The following CRACD variants were observed in gnomAD, a reference collection of about 807,000 sequenced individuals.
CRACD encodes capping protein-inhibiting regulator of actin dynamics.
Under a neutral mutation model 106.8 loss-of-function variants are expected in CRACD, and 56 were observed. That is an observed-to-expected ratio of 0.52 (90% CI 0.42 to 0.66). The LOEUF (loss-of-function observed/expected upper bound fraction) is 0.66. Among genes scored for constraint, CRACD ranks in the 30% least tolerant of loss-of-function variants. The pLI, the probability that CRACD is intolerant of heterozygous loss-of-function variation, is 0.00. For missense variants in CRACD, 1,730 were observed against 1,623.2 expected (o/e 1.07, Z -1.13); for synonymous variants, 754 against 670.8 (o/e 1.12, Z -1.92).
At chr4:56,163,863 A>G (rs779594666) in intron 1 of CRACD, among the ~76,000 whole-genome samples, 1 of 152,090 alleles carries the variant, frequency 6.6e-6, no homozygotes, top group African/African-American at 2.4e-5. Flanking sequence ...CTCATGCCTC[A>G]GCTTCCAGAG....
chr4:56,148,962 C>T (rs1035753243), intron 1 of CRACD, among the ~76,000 whole-genome samples: 5 of 151,816 alleles, frequency 3.3e-5, no homozygotes, highest in African/African-American at 9.7e-5. Flanking sequence ...ATTACAGGCG[C>T]CTGCCACCAC....
At chr4:56,069,583 A>G (rs1732568511) in intron 1 of CRACD, among the ~76,000 whole-genome samples, 1 of 152,200 alleles carries the variant, frequency 6.6e-6, no homozygotes, top group South Asian at 2.1e-4. Flanking sequence ...AAAATTAGGT[A>G]TGGGTTTAGA....
chr4:56,150,059 A>G (rs550967487), intron 1 of CRACD, among the ~76,000 whole-genome samples: 1 of 152,342 alleles, frequency 6.6e-6, no homozygotes, highest in African/African-American at 2.4e-5. Context: ...ATGGGAACTT[A>G]CAGAGAAAAC....
chr4:56,327,729 A>C lies in CRACD; in HGVS notation c.3627A>C (p.Ser1209=). 1 of 1,614,180 alleles carries C rather than the reference A, an allele frequency of 6.2e-7. No homozygotes were observed. ...RFSTPDAAPV[S]TEPAWLALAK... ...CCACCCCGGATGCTGCCCCCGTGTC[A>C]ACAGAACCAGCCTGGCTGGCTTTGG... Residue 1209 remains serine (S), a synonymous_variant, in exon 11 of 11, where the codon TCA becomes TCC. Coordinates refer to ENST00000682029, the MANE Select transcript of CRACD (RefSeq NM_001393381.1).
Position 56,167,609 on chromosome 4 carries a change from C to T in CRACD, c.-335-11675C>T, listed in dbSNP as rs80314579. 1.4e-4 allele frequency among the ~76,000 whole-genome samples: 22 copies of T among 152,186 alleles called. No homozygotes were observed. The East Asian group carries it at 3.9e-3, about 27-fold the overall frequency. On this transcript the variant is annotated intron_variant, in intron 1 of 10. Transcript: ENST00000682029. The stretch of plus-strand genomic sequence containing the variant: ...TAGATTCCACATATAAGCAATAATA[C>T]GTGGTATTTGTCTTTCTGTGCCTAG...
chr4:56,272,657 G>A (rs1027144491), intron 3 of CRACD, among the ~76,000 whole-genome samples, 165 bp downstream of exon 3: 2 of 152,098 alleles, frequency 1.3e-5, no homozygotes, highest in South Asian at 2.1e-4. Context: ...TTGGGAGGCC[G>A]AGGCGGGCAG....
chr4:56,141,005 A>G (rs1437955570), intron 1 of CRACD, among the ~76,000 whole-genome samples: 1 of 152,224 alleles, frequency 6.6e-6, no homozygotes, highest in East Asian at 1.9e-4. Context: ...GAACAAATGA[A>G]AAATTATGGA....
chr4:56,180,954 G>A (rs1297250925), intron 2 of CRACD, among the ~76,000 whole-genome samples: 1 of 152,036 alleles, frequency 6.6e-6, no homozygotes, highest in Non-Finnish European at 1.5e-5. Context: ...GAGCACATAC[G>A]GCTTCTGTAA....
intron 9 of CRACD, among the ~76,000 whole-genome samples, chr4:56,323,870 C>T (rs1746263586): frequency 6.6e-6 from 1 of 152,216 alleles, no homozygotes; most frequent in South Asian, 2.1e-4. Context: ...ATGTTATAGT[C>T]AGTTTGATGA....
chr4:56,198,892 A>C (rs1737746515), intron 2 of CRACD, among the ~76,000 whole-genome samples: 1 of 152,208 alleles, frequency 6.6e-6, no homozygotes, highest in African/African-American at 2.4e-5. Context: ...ATTTCATAAA[A>C]TCTGAGGAGC....
At chr4:56,279,187 C>T (rs1742855422) in intron 3 of CRACD, among the ~76,000 whole-genome samples, 1 of 152,146 alleles carries the variant, frequency 6.6e-6, no homozygotes, top group South Asian at 2.1e-4. Flanking sequence ...CACCCAATGT[C>T]CGACAATCCC....
At chr4:56,150,476 T>C (rs1735543002) in intron 1 of CRACD, among the ~76,000 whole-genome samples, 1 of 152,176 alleles carries the variant, frequency 6.6e-6, no homozygotes, top group African/African-American at 2.4e-5. Flanking sequence ...ATGGAGCCAC[T>C]ACTCTAGTGG....
intron 4 of CRACD, among the ~76,000 whole-genome samples, chr4:56,306,454 A>G (rs929303887): frequency 6.6e-6 from 1 of 152,146 alleles, no homozygotes; most frequent in East Asian, 1.9e-4. Flanking sequence ...TCAAGGTTGC[A>G]ATGAGCCAAA....
At chr4:56,271,367 G>C (rs192495725) in intron 2 of CRACD, among the ~76,000 whole-genome samples, 8 of 152,244 alleles carry the variant, frequency 5.3e-5, no homozygotes, top group Admixed American at 5.2e-4. Context: ...TAATATATGG[G>C]AAGATGTTCA....
At chr4:56,162,855 G>T (rs1221498695) in intron 1 of CRACD, among the ~76,000 whole-genome samples, 1 of 152,212 alleles carries the variant, frequency 6.6e-6, no homozygotes, top group Non-Finnish European at 1.5e-5. Flanking sequence ...CTGCCTTAGG[G>T]ATTGGCAAAC....
intron 8 of CRACD, among the ~76,000 whole-genome samples, chr4:56,317,446 C>T (rs1309600912): frequency 6.6e-6 from 1 of 152,182 alleles, no homozygotes; most frequent in Non-Finnish European, 1.5e-5. Flanking sequence ...TACTTATTTA[C>T]ACAAGCGATA....
At chr4:56,197,707 C>G (rs1737674598) in intron 2 of CRACD, among the ~76,000 whole-genome samples, 1 of 151,368 alleles carries the variant, frequency 6.6e-6, no homozygotes, top group African/African-American at 2.4e-5. Flanking sequence ...GAAACGGAGT[C>G]TCACTCTGTT....
At chr4:56,237,482 T>C (rs1740044748) in intron 2 of CRACD, among the ~76,000 whole-genome samples, 1 of 152,160 alleles carries the variant, frequency 6.6e-6, no homozygotes, top group Admixed American at 6.6e-5. Context: ...TAAATTTTGA[T>C]TCATGACTCA....
At chr4:56,294,533 T>C (rs1010392308) in intron 3 of CRACD, among the ~76,000 whole-genome samples, 36 of 151,764 alleles carry the variant, frequency 2.4e-4, no homozygotes, top group Non-Finnish European at 2.1e-4. Flanking sequence ...AGATTCAATA[T>C]TGTAAAAACA....
Sources: gnomAD v4.1 joint callset for allele counts (sites outside exome capture counted in the v4.1 genomes callset) on GRCh38, gnomAD v4.1.1 for gene constraint, MANE v1.5 for transcripts, NCBI Gene and HGNC (gene_info 2026-07-23, HGNC 2026-07-21) for gene names.